Variants in DOCK1 observed in about 807,000 individuals in gnomAD.
The protein encoded by DOCK1 is dedicator of cytokinesis protein 1.
DOCK1 carries 138 observed loss-of-function variants against 262.7 expected under a neutral mutation model. That is an observed-to-expected ratio of 0.53 (90% CI 0.46 to 0.61). DOCK1 has a LOEUF of 0.61. DOCK1 is among the 20% of genes least tolerant of loss of function. The probability of loss-of-function intolerance (pLI) is 0.00; values close to 1 mark genes in which losing one functional copy is unlikely to be tolerated. For synonymous variants in DOCK1, 866 were observed against 867.4 expected (o/e 1.00, Z 0.03); for missense variants, 1,908 against 2,370.7 (o/e 0.80, Z 4.05).
intron 29 of DOCK1, among the ~76,000 whole-genome samples, chr10:127,285,871 C>A (rs563738209): frequency 2.6e-5 from 4 of 152,172 alleles, no homozygotes; most frequent in Non-Finnish European, 4.4e-5. Flanking sequence ...TCTATCTGGG[C>A]TCCGTGAAAC....
At chr10:127,346,132 C>T (rs2063624382) in intron 31 of DOCK1, among the ~76,000 whole-genome samples, 1 of 152,186 alleles carries the variant, frequency 6.6e-6, no homozygotes. Flanking sequence ...CTCCTGGCCT[C>T]GGAGATGCCT....
intron 23 of DOCK1, among the ~76,000 whole-genome samples, chr10:127,085,851 T>G (rs868475730): frequency 6.6e-6 from 1 of 152,174 alleles, no homozygotes; most frequent in Non-Finnish European, 1.5e-5. Flanking sequence ...GAAGCCATTA[T>G]TATTATTTTT....
chr10:127,419,257 CGAG>C (rs1565077246), intron 45 of DOCK1, among the ~76,000 whole-genome samples: 1 of 152,202 alleles, frequency 6.6e-6, no homozygotes. Flanking sequence ...GAGAAGGCTG[CGAG>C]GAGATGATTA....
intron 27 of DOCK1, among the ~76,000 whole-genome samples, chr10:127,141,679 A>C (rs934539897): frequency 2.8e-4 from 42 of 149,652 alleles, no homozygotes; most frequent in African/African-American, 9.2e-4. Flanking sequence ...TTTAAAACAA[A>C]AAAAAAAAAA....
intron 1 of DOCK1, among the ~76,000 whole-genome samples, chr10:126,928,688 A>AG (rs1485891215): frequency 6.6e-6 from 1 of 152,242 alleles, no homozygotes; most frequent in Non-Finnish European, 1.5e-5. Flanking sequence ...TGTTAAGAAG[A>AG]GGAGGGACGC....
chr10:127,142,248 C>G (rs1322571420), intron 27 of DOCK1, among the ~76,000 whole-genome samples: 7 of 152,192 alleles, frequency 4.6e-5, no homozygotes, highest in Non-Finnish European at 1.0e-4. Context: ...TACAGCCACA[C>G]GGGCACGTGG....
chr10:127,038,050 A>G (rs969872297), intron 19 of DOCK1, among the ~76,000 whole-genome samples: 1 of 151,998 alleles, frequency 6.6e-6, no homozygotes, highest in African/African-American at 2.4e-5. Flanking sequence ...CCTGACCAAC[A>G]TGGAGAAACC....
intron 23 of DOCK1, among the ~76,000 whole-genome samples, chr10:127,085,364 C>T (rs1258101975): frequency 6.6e-6 from 1 of 152,152 alleles, no homozygotes; most frequent in Non-Finnish European, 1.5e-5. Context: ...ACCTTATGTT[C>T]TCATCATGGC....
At chr10:126,946,722 A>T (rs915827457) in intron 1 of DOCK1, among the ~76,000 whole-genome samples, 6 of 152,216 alleles carry the variant, frequency 3.9e-5, no homozygotes, top group Non-Finnish European at 8.8e-5. Context: ...TTCCGGGTTC[A>T]TCCATGTCAC....
chr10:127,061,929 C>CTTTTTTTTTT (rs562310710), intron 23 of DOCK1, among the ~76,000 whole-genome samples, 153 bp downstream of exon 23: 1 of 71,786 alleles, frequency 1.4e-5, no homozygotes, highest in African/African-American at 6.5e-5. Context: ...AAGAGCTGTG[C>CTTTTTTTTTT]TTTTTTTTTT....
At chr10:126,908,107 T>A (rs1296213512) in intron 1 of DOCK1, among the ~76,000 whole-genome samples, 1 of 151,928 alleles carries the variant, frequency 6.6e-6, no homozygotes, top group African/African-American at 2.4e-5. Flanking sequence ...CAGAGGCACT[T>A]TAACCAGAGT....
At chr10:127,103,974 G>A (rs898704758) in intron 23 of DOCK1, among the ~76,000 whole-genome samples, 1 of 152,174 alleles carries the variant, frequency 6.6e-6, no homozygotes, top group African/African-American at 2.4e-5. Flanking sequence ...TCTTATAGAT[G>A]TTGCTTGTAT....
intron 21 of DOCK1, among the ~76,000 whole-genome samples, chr10:127,047,582 G>C (rs753144840): frequency 5.3e-5 from 8 of 151,158 alleles, no homozygotes; most frequent in African/African-American, 1.7e-4. Context: ...TTGTTTGGAC[G>C]GTTTTTGTAT....
chr10:127,130,889 C>T (rs2050283197), intron 27 of DOCK1, among the ~76,000 whole-genome samples: 1 of 152,236 alleles, frequency 6.6e-6, no homozygotes, highest in African/African-American at 2.4e-5. Context: ...CAGAAGTCAT[C>T]GAAAGGACTG....
At chr10:126,987,832 T>C (rs1033372281) in intron 5 of DOCK1, among the ~76,000 whole-genome samples, 12 of 152,148 alleles carry the variant, frequency 7.9e-5, no homozygotes, top group Non-Finnish European at 1.6e-4. Flanking sequence ...TATTTGGGTG[T>C]ATTACAGTGA....
rs991162331 is a variant in DOCK1, at chr10:126,935,612, C to T, written c.46+30049C>T. On this transcript the variant is annotated intron_variant, in intron 1 of 51. Transcript: ENST00000623213. ...CTCACCAGCAGCTCTTCCTTCCTTC[C>T]GCCTCTCTCCTTTCCTTCCTGTGTG... 5.3e-5 allele frequency among the ~76,000 whole-genome samples: 8 copies of T among 152,340 alleles called. No homozygotes were observed. In the East Asian group the frequency reaches 1.4e-3, roughly 26 times the overall value.
intron 29 of DOCK1, among the ~76,000 whole-genome samples, chr10:127,303,688 A>G (rs1438847514): frequency 8.6e-6 from 1 of 116,536 alleles, no homozygotes; most frequent in African/African-American, 4.1e-5. Flanking sequence ...GTGAGACCCT[A>G]TCTCTACAAA....
At chr10:127,005,875 C>T (rs575096043) in intron 10 of DOCK1, among the ~76,000 whole-genome samples, 188 of 151,306 alleles carry the variant, frequency 1.2e-3, no homozygotes, top group African/African-American at 4.2e-3. Context: ...CATTTTTAGG[C>T]GTGCAGTTCA....
rs1375844664 is a variant in DOCK1, at chr10:127,020,227, G to C, written c.1327+1392G>C. On this transcript the variant is annotated intron_variant, in intron 13 of 51. Transcript: ENST00000623213. ...TTTATTAATGGGAGTGGACTAATTT[G>C]TATACTTATTATTTGTATTTGCATT... 2.6e-5 allele frequency among the ~76,000 whole-genome samples: 4 copies of C among 152,236 alleles called. No individual in the cohort carries two copies. The East Asian group carries it at 7.7e-4, about 29-fold the overall frequency.
Sources: gnomAD v4.1 joint callset for allele counts (sites outside exome capture counted in the v4.1 genomes callset) on GRCh38, gnomAD v4.1.1 for gene constraint, MANE v1.5 for transcripts, NCBI Gene and HGNC (gene_info 2026-07-23, HGNC 2026-07-21) for gene names.